KIZ: variants seen among roughly 807,000 people sequenced by gnomAD.
KIZ encodes the protein centrosomal protein kizuna.
A neutral mutation model predicts 79.6 loss-of-function variants in KIZ; 68 were observed. The ratio of observed to expected loss-of-function variants is 0.85; its 90% CI spans 0.70 to 1.05. The LOEUF is 1.05. Among genes scored for constraint, KIZ ranks in the 50% least tolerant of loss-of-function variants. The pLI, the probability that KIZ is intolerant of heterozygous loss-of-function variation, is 0.00. For missense variants in KIZ, 797 were observed against 800.4 expected, an observed-to-expected ratio of 1.00 and a Z score of 0.05; for synonymous variants, 280 against 281.8, an observed-to-expected ratio of 0.99 and a Z score of 0.06.
At chr20:21,204,156 C>A (rs1474407690) in intron 6 of KIZ, among the ~76,000 whole-genome samples, 4 of 138,224 alleles carry the variant, frequency 2.9e-5, no homozygotes, top group African/African-American at 1.1e-4. Flanking sequence ...CTCTCTGTCG[C>A]CCAGGCTGGA....
At chr20:21,224,308 A>C (rs1264491089) in intron 9 of KIZ, among the ~76,000 whole-genome samples, 1 of 152,240 alleles carries the variant, frequency 6.6e-6, no homozygotes, top group Admixed American at 6.5e-5. Flanking sequence ...ATTACTAGGC[A>C]AATGATTTCT....
In KIZ at chr20:21,161,936, A is replaced by G. The variant is rs994256632; in HGVS notation, c.471A>G (p.Thr157=). The G allele has an allele frequency of 1.1e-5, 17 of 1,613,756 alleles. No individual in the cohort carries two copies. The highest frequency in any genetic ancestry group is 1.6e-4 in the Middle Eastern group (1 of 6,084). The change falls in exon 5 of 13, where the codon ACA becomes ACG. Residue 157 remains threonine (T), a synonymous_variant. Coordinates refer to ENST00000619189, the MANE Select transcript of KIZ (RefSeq NM_018474.6). Reference sequence around the variant, plus strand: ...CAAGAGGATTGTATCAACCAGCAACAATCTTTATGGGCCGCCAAATGTCAG... The same window carrying G: ...CAAGAGGATTGTATCAACCAGCAACGATCTTTATGGGCCGCCAAATGTCAG... ...AMSRGLYQPA[T]IFMGRQMSAI... is the part of the protein sequence containing the mutation.
intron 4 of KIZ, among the ~76,000 whole-genome samples, chr20:21,147,148 A>G (rs1214824009): frequency 6.6e-6 from 1 of 151,486 alleles, no homozygotes; most frequent in East Asian, 1.9e-4. Context: ...TTTTTTCTTT[A>G]TTTACCCACT....
At chr20:21,188,517 G>A (rs1172570979) in intron 6 of KIZ, among the ~76,000 whole-genome samples, 2 of 151,708 alleles carry the variant, frequency 1.3e-5, no homozygotes, top group African/African-American at 4.8e-5. Flanking sequence ...TAACCTGTTT[G>A]TTATAAGGGT....
At chr20:21,166,402 T>G in intron 6 of KIZ, 1 of 1,598,440 alleles carries the variant, frequency 6.3e-7, no homozygotes, top group Admixed American at 1.7e-5. Context: ...AGCCTGCCTG[T>G]GAGGTTCACA....
At chr20:21,135,947 TC>T (rs1252605059) in intron 2 of KIZ, among the ~76,000 whole-genome samples, 1 of 152,256 alleles carries the variant, frequency 6.6e-6, no homozygotes, top group Non-Finnish European at 1.5e-5. Context: ...TTTTTAAATT[TC>T]TTTTTAATTT....
intron 3 of KIZ, among the ~76,000 whole-genome samples, chr20:21,145,161 TGA>T (rs2032779599): frequency 1.5e-5 from 1 of 68,780 alleles, no homozygotes; most frequent in South Asian, 6.7e-4. Context: ...TCAGTAGGAT[TGA>T]TTTTTTTTGT....
At chr20:21,179,689 A>C (rs948916503) in intron 6 of KIZ, among the ~76,000 whole-genome samples, 1 of 151,908 alleles carries the variant, frequency 6.6e-6, no homozygotes, top group Non-Finnish European at 1.5e-5. Flanking sequence ...TTCTTTTTAA[A>C]TGTAAGTTTT....
chr20:21,159,297 A>G (rs1235821998), intron 4 of KIZ, among the ~76,000 whole-genome samples: 1 of 152,094 alleles, frequency 6.6e-6, no homozygotes, highest in East Asian at 1.9e-4. Context: ...ACTCTTCCTA[A>G]TCTCAGATTA....
intron 11 of KIZ, among the ~76,000 whole-genome samples, chr20:21,236,177 T>TA (rs2083880376): frequency 6.6e-6 from 1 of 152,230 alleles, no homozygotes. Context: ...TAAGTTGACC[T>TA]CAGGCAGCTG....
intron 6 of KIZ, among the ~76,000 whole-genome samples, chr20:21,182,625 A>G (rs1008805117): frequency 3.3e-5 from 5 of 152,066 alleles, no homozygotes; most frequent in African/African-American, 9.6e-5. Context: ...GCGAAACCCT[A>G]TCTCTACTAA....
At chr20:21,189,538 A>G (rs1405790049) in intron 6 of KIZ, among the ~76,000 whole-genome samples, 3 of 152,170 alleles carry the variant, frequency 2.0e-5, no homozygotes, top group Non-Finnish European at 4.4e-5. Flanking sequence ...TCATTAAGAA[A>G]CTTTTTTAAA....
intron 6 of KIZ, among the ~76,000 whole-genome samples, chr20:21,200,351 CA>C (rs755935116): frequency 6.6e-6 from 1 of 151,970 alleles, no homozygotes; most frequent in Admixed American, 6.6e-5. Context: ...GAGGTGTGGG[CA>C]GGGGCATGGT....
At chr20:21,141,821 A>T (rs201260255) in intron 3 of KIZ, among the ~76,000 whole-genome samples, 54 of 111,196 alleles carry the variant, frequency 4.9e-4, no homozygotes, top group East Asian at 2.4e-3. Context: ...ACACACACAC[A>T]CACTCTCTCT....
intron 4 of KIZ, 58 bp from the exon 5 acceptor site, chr20:21,161,813 A>ACCAAAAAAAAC: frequency 9.2e-7 from 1 of 1,087,986 alleles, no homozygotes; most frequent in South Asian, 1.9e-5. Context: ...AAAAAAAAAA[A>ACCAAAAAAAAC]CCCCACCTAA....
chr20:21,167,862 T>C (rs980264325), intron 6 of KIZ, among the ~76,000 whole-genome samples: 16 of 152,304 alleles, frequency 1.1e-4, no homozygotes, highest in South Asian at 1.0e-3. Context: ...CCTACTTTGT[T>C]TTATATATCA....
At chr20:21,189,395 A>G (rs917119648) in intron 6 of KIZ, among the ~76,000 whole-genome samples, 1 of 152,190 alleles carries the variant, frequency 6.6e-6, no homozygotes, top group Admixed American at 6.5e-5. Context: ...CACCATTACA[A>G]ATGATCCTTG....
At chr20:21,127,710 A>G (rs962119032) in intron 1 of KIZ, among the ~76,000 whole-genome samples, 4 of 152,240 alleles carry the variant, frequency 2.6e-5, no homozygotes, top group African/African-American at 9.6e-5. Flanking sequence ...TATAGAGGCA[A>G]ATAATTCTAG....
At position 21,152,412 on chromosome 20, in the gene KIZ, G is replaced by A. The variant is rs150313416; in HGVS notation, c.405+6758G>A. On this transcript the variant is annotated intron_variant, in intron 4 of 12. Coordinates refer to ENST00000619189, the MANE Select transcript of KIZ (RefSeq NM_018474.6). ...TTGTGGGGGAGTGTGAGTTGCTTAC[G>A]TCCTTACTCAAATCCCTCAGAATTA... Among the ~76,000 whole-genome samples, 292 of 152,248 alleles carry A rather than the reference G, an allele frequency of 1.9e-3. 2 individuals carry two copies. Among genetic ancestry groups the A allele is most frequent in the East Asian group, 6.8e-3 (35 of 5,182 alleles).
Sources: gnomAD v4.1 joint callset for allele counts (sites outside exome capture counted in the v4.1 genomes callset) on GRCh38, gnomAD v4.1.1 for gene constraint, MANE v1.5 for transcripts, NCBI Gene and HGNC (gene_info 2026-07-23, HGNC 2026-07-21) for gene names.